SUGCT: variants seen among roughly 807,000 people sequenced by gnomAD.
SUGCT encodes the protein succinyl-CoA:glutarate-CoA transferase, also known as succinyl-CoA:glutarate CoA-transferase.
SUGCT carries 41 observed loss-of-function variants against 55.0 expected under a neutral mutation model. The observed-to-expected ratio is 0.74, with a 90% CI of 0.58 to 0.97. The LOEUF (loss-of-function observed/expected upper bound fraction) is 0.97, where lower values mean the gene tolerates loss of function less well. Among genes scored for constraint, SUGCT ranks in the 50% least tolerant of loss-of-function variants. SUGCT has a pLI of 0.00. For synonymous variants in SUGCT, 187 were observed against 200.4 expected (o/e 0.93, Z 0.56); for missense variants, 568 against 547.8 (o/e 1.04, Z -0.37).
At chr7:40,252,452 T>TG (rs921777261) in intron 7 of SUGCT, among the ~76,000 whole-genome samples, 3 of 152,096 alleles carry the variant, frequency 2.0e-5, no homozygotes, top group Non-Finnish European at 4.4e-5. Flanking sequence ...GATAAATGTT[T>TG]GGGGTACCTT....
chr7:40,748,599 G>A (rs1285854578), intron 12 of SUGCT, among the ~76,000 whole-genome samples: 1 of 151,196 alleles, frequency 6.6e-6, no homozygotes, highest in Non-Finnish European at 1.5e-5. Flanking sequence ...TAGAGAATAA[G>A]AATTTATAAA....
At chr7:40,375,025 T>C (rs746899824) in intron 9 of SUGCT, among the ~76,000 whole-genome samples, 1 of 152,182 alleles carries the variant, frequency 6.6e-6, no homozygotes, top group Non-Finnish European at 1.5e-5. Context: ...ACGTGTGGGC[T>C]CAGTCTTCAG....
chr7:40,719,317 C>T (rs964435721), intron 12 of SUGCT, among the ~76,000 whole-genome samples: 2 of 152,204 alleles, frequency 1.3e-5, no homozygotes, highest in Non-Finnish European at 2.9e-5. Flanking sequence ...CTAATCATCT[C>T]TAATGTATTG....
chr7:40,737,495 ATTG>A (rs1562971751), intron 12 of SUGCT, among the ~76,000 whole-genome samples: 1 of 152,204 alleles, frequency 6.6e-6, no homozygotes, highest in Non-Finnish European at 1.5e-5. Context: ...ATGAATACAT[ATTG>A]TTTTTACTTA....
At chr7:40,930,252 A>G in the SUGCT span, among the ~76,000 whole-genome samples, 1 of 152,078 alleles carries the variant, frequency 6.6e-6, no homozygotes, top group Admixed American at 6.5e-5. Flanking sequence ...GTTATTTCTG[A>G]GGCCTCTGTT....
chr7:40,582,079 T>C (rs138927707), intron 12 of SUGCT, among the ~76,000 whole-genome samples: 140 of 152,222 alleles, frequency 9.2e-4, no homozygotes, highest in African/African-American at 3.2e-3. Context: ...TTACTGTAAA[T>C]TACAGTTCTG....
At chr7:40,973,617 C>T in the SUGCT span, among the ~76,000 whole-genome samples, 22 of 152,308 alleles carry the variant, frequency 1.4e-4, no homozygotes, top group African/African-American at 4.3e-4. Flanking sequence ...CGGGATAGGA[C>T]GCTGGTGCAT....
chr7:40,945,491 G>A, the SUGCT span, among the ~76,000 whole-genome samples: 2 of 152,256 alleles, frequency 1.3e-5, no homozygotes, highest in South Asian at 4.1e-4. Context: ...CCCACACCAA[G>A]CTCCTGCAGG....
chr7:40,295,265 GA>G (rs1261262073), intron 8 of SUGCT, among the ~76,000 whole-genome samples: 1 of 151,692 alleles, frequency 6.6e-6, no homozygotes, highest in Non-Finnish European at 1.5e-5. Flanking sequence ...AAGTGTTTTA[GA>G]AAAAAAATTA....
the SUGCT span, among the ~76,000 whole-genome samples, chr7:40,989,605 T>TA: frequency 0.091 from 12,057 of 132,508 alleles, 579 homozygotes; most frequent in South Asian, 0.22. Context: ...CCATCTCTAC[T>TA]AAAAAAAAAA....
At chr7:40,176,523 G>T (rs1246520115) in intron 1 of SUGCT, among the ~76,000 whole-genome samples, 4 of 152,102 alleles carry the variant, frequency 2.6e-5, no homozygotes, top group Non-Finnish European at 5.9e-5. Flanking sequence ...TTATGAAGAA[G>T]AGTAACCCCT....
chr7:40,608,144 A>G (rs1035018831), intron 12 of SUGCT, among the ~76,000 whole-genome samples: 3 of 152,202 alleles, frequency 2.0e-5, no homozygotes, highest in Admixed American at 6.5e-5. Context: ...GTTGGGATGT[A>G]GTATCTCGTT....
At chr7:40,226,146 C>T (rs753840867) in intron 6 of SUGCT, among the ~76,000 whole-genome samples, 1 of 152,104 alleles carries the variant, frequency 6.6e-6, no homozygotes, top group Non-Finnish European at 1.5e-5. Flanking sequence ...TTATTGGAAT[C>T]CTGCTGAGGT....
chr7:40,649,403 G>C (rs1008407042), intron 12 of SUGCT, among the ~76,000 whole-genome samples: 13 of 151,926 alleles, frequency 8.6e-5, no homozygotes, highest in African/African-American at 2.9e-4. Flanking sequence ...TTTACAGATG[G>C]GGGGGGAAGG....
the SUGCT span, among the ~76,000 whole-genome samples, chr7:40,934,933 T>C: frequency 6.6e-6 from 1 of 152,192 alleles, no homozygotes; most frequent in South Asian, 2.1e-4. Flanking sequence ...CTGCACCCAC[T>C]GTCCAACCAG....
chr7:40,947,152 T>C, the SUGCT span, among the ~76,000 whole-genome samples: 1 of 152,174 alleles, frequency 6.6e-6, no homozygotes. Flanking sequence ...CTTTCTGTTT[T>C]TCAGACTAGA....
At chr7:40,839,580 CATT>C (rs1793170709) in intron 13 of SUGCT, among the ~76,000 whole-genome samples, 1 of 152,110 alleles carries the variant, frequency 6.6e-6, no homozygotes, top group Non-Finnish European at 1.5e-5. Context: ...AATTCAGTAT[CATT>C]AATGATTATA....
intron 9 of SUGCT, among the ~76,000 whole-genome samples, chr7:40,326,830 C>A (rs976443183): frequency 6.6e-6 from 1 of 152,026 alleles, no homozygotes; most frequent in African/African-American, 2.4e-5. Context: ...AAGATGGGAA[C>A]CTACCTTTAT....
intron 9 of SUGCT, among the ~76,000 whole-genome samples, chr7:40,329,583 G>A (rs187322663): frequency 3.3e-5 from 5 of 152,252 alleles, no homozygotes; most frequent in African/African-American, 1.2e-4. Flanking sequence ...AATGCTCTGG[G>A]TCCTAGTGAC....
Sources: gnomAD v4.1 joint callset for allele counts (sites outside exome capture counted in the v4.1 genomes callset) on GRCh38, gnomAD v4.1.1 for gene constraint, MANE v1.5 for transcripts, NCBI Gene and HGNC (gene_info 2026-07-23, HGNC 2026-07-21) for gene names.